The following GYS2 variants were observed in gnomAD, a reference collection of about 807,000 sequenced individuals.
GYS2 encodes the protein glycogen [starch] synthase, liver.
In GYS2, 80 loss-of-function variants were observed where a neutral mutation model predicts 85.6. That is an observed-to-expected ratio of 0.93 (90% CI 0.78 to 1.13). The LOEUF (loss-of-function observed/expected upper bound fraction) is 1.13. GYS2 is among the 50% of genes most tolerant of loss of function. GYS2 has a pLI of 0.00. For synonymous variants in GYS2, 328 were observed against 300.7 expected (o/e 1.09, Z -0.94); for missense variants, 881 against 854.9 (o/e 1.03, Z -0.38).
intron 7 of GYS2, among the ~76,000 whole-genome samples, chr12:21,561,807 A>G (rs4762705): frequency 0.72 from 109,772 of 151,656 alleles, 40,002 homozygotes; most frequent in South Asian, 0.79. Flanking sequence ...TTTTATTAAT[A>G]AATCGCTTGT....
intron 5 of GYS2, 112 bp from the exon 6 acceptor site, chr12:21,563,457 T>A (rs1213434757): frequency 5.9e-6 from 4 of 673,710 alleles, no homozygotes; most frequent in Non-Finnish European, 1.1e-5. Context: ...CATTCTACTT[T>A]CTGACTACCA....
At chr12:21,543,214 T>C (rs1011172580) in intron 12 of GYS2, among the ~76,000 whole-genome samples, 2 of 152,208 alleles carry the variant, frequency 1.3e-5, no homozygotes, top group Admixed American at 1.3e-4. Context: ...TTTAGGAATT[T>C]ATATTTGATA....
At chr12:21,576,144 T>G in intron 2 of GYS2, 87 bp from the exon 3 acceptor site, 1 of 1,043,722 alleles carries the variant, frequency 9.6e-7, no homozygotes, top group African/African-American at 1.6e-5. Flanking sequence ...ATAAACTTTA[T>G]GTAGTACTCA....
intron 1 of GYS2, 123 bp downstream of exon 1, chr12:21,604,349 T>C (rs1423695750): frequency 3.9e-6 from 3 of 760,632 alleles, no homozygotes; most frequent in Non-Finnish European, 7.3e-6. Context: ...TATATTCCGT[T>C]TAAATGCTTT....
At chr12:21,550,168 G>C (rs1169358371) in intron 11 of GYS2, among the ~76,000 whole-genome samples, 1 of 152,032 alleles carries the variant, frequency 6.6e-6, no homozygotes, top group Non-Finnish European at 1.5e-5. Flanking sequence ...TACTTTACCT[G>C]TCACAGTTCT....
chr12:21,589,901 A>T (rs1944615684), intron 1 of GYS2, among the ~76,000 whole-genome samples: 1 of 151,922 alleles, frequency 6.6e-6, no homozygotes, highest in South Asian at 2.1e-4. Flanking sequence ...CGTTCCTCAG[A>T]CCCCAACATC....
intron 1 of GYS2, among the ~76,000 whole-genome samples, chr12:21,590,667 G>A (rs255439): frequency 0.17 from 25,227 of 152,124 alleles, 2,240 homozygotes; most frequent in Non-Finnish European, 0.18. Context: ...ACTGCCTGAA[G>A]GCCAAAGAAT....
chr12:21,562,143 G>T (rs533129811), intron 7 of GYS2, among the ~76,000 whole-genome samples: 2 of 152,198 alleles, frequency 1.3e-5, no homozygotes, highest in South Asian at 4.2e-4. Context: ...AACCCACTTT[G>T]TATCCCACCT....
At chr12:21,587,351 C>G (rs1423459701) in intron 1 of GYS2, among the ~76,000 whole-genome samples, 1 of 152,142 alleles carries the variant, frequency 6.6e-6, no homozygotes, top group Non-Finnish European at 1.5e-5. Context: ...GTGTCCCCAC[C>G]CAAATCTCAT....
chr12:21,560,464 A>C lies in GYS2; in HGVS notation c.1091T>G (p.Val364Gly), dbSNP rs748262565. 1 of 1,590,446 alleles carries C rather than the reference A, an allele frequency of 6.3e-7. No homozygotes were observed. ...TGTCTTGGCAGGCATAATGAAAAACACCATCACTGTGATGTCACTTTTATG... is the reference window on the plus strand; with the variant it reads ...TGTCTTGGCAGGCATAATGAAAAACCCCATCACTGTGATGTCACTTTTATG... Reference protein sequence around the residue: ...RMHKSDITVMVFFIMPAKTNN... With the variant: ...RMHKSDITVMGFFIMPAKTNN... The change falls in exon 8 of 16, where the codon GTG becomes GGG. Residue 364 changes from valine (V) to glycine (G), a missense_variant. Val to Gly is a moderately radical substitution (Grantham distance 109, BLOSUM62 -3). Transcript: ENST00000261195.
intron 15 of GYS2, 116 bp from the exon 16 acceptor site, chr12:21,537,291 G>T (rs1026764360): frequency 1.3e-5 from 10 of 758,828 alleles, no homozygotes; most frequent in South Asian, 3.0e-5. Context: ...TTGTAGTCTG[G>T]GTGCTATTAA....
chr12:21,544,121 C>T (rs909628066), intron 12 of GYS2, among the ~76,000 whole-genome samples: 8 of 152,094 alleles, frequency 5.3e-5, no homozygotes, highest in Non-Finnish European at 1.2e-4. Flanking sequence ...AGTCTAGTAA[C>T]ACGTAAAAAG....
rs780151467 is a variant in GYS2 at position 21,558,267 on chromosome 12, G to A, written c.1355C>T (p.Ser452Phe). Residue 452 changes from serine (S) to phenylalanine (F), a missense_variant, in exon 11 of 16, where the codon TCC (serine) becomes TTC (phenylalanine). Coordinates refer to ENST00000261195, the MANE Select transcript of GYS2 (RefSeq NM_021957.4). ...PVTTHNMIDDSTDPILSTIRR... is the reference protein window; with the variant it reads ...PVTTHNMIDDFTDPILSTIRR... ...AATGGTGCTGAGGATGGGGTCGGTG[G>A]AGTCATCAATCATGTTGTGCGTGGT... The A allele has an allele frequency of 1.2e-6, 2 of 1,613,990 alleles. No homozygotes were observed. Among genetic ancestry groups the A allele is most frequent in the Non-Finnish European group, 1.7e-6 (2 of 1,179,874 alleles).
At chr12:21,583,233 C>T (rs1944532379) in intron 1 of GYS2, among the ~76,000 whole-genome samples, 1 of 152,190 alleles carries the variant, frequency 6.6e-6, no homozygotes. Context: ...TGATTAAATT[C>T]AGGGACCTTC....
chr12:21,558,424 T>C (rs1944209792), intron 10 of GYS2, 111 bp from the exon 11 acceptor site: 3 of 719,390 alleles, frequency 4.2e-6, no homozygotes, highest in Admixed American at 2.0e-5. Flanking sequence ...TTCAGTCTTT[T>C]GAGATGGCAC....
At chr12:21,599,773 C>G (rs1243758143) in intron 1 of GYS2, among the ~76,000 whole-genome samples, 2 of 152,078 alleles carry the variant, frequency 1.3e-5, no homozygotes, top group African/African-American at 2.4e-5. Flanking sequence ...TTTAAAAATG[C>G]AATTATGGAC....
At chr12:21,598,933 G>T (rs1315263584) in intron 1 of GYS2, among the ~76,000 whole-genome samples, 1 of 152,006 alleles carries the variant, frequency 6.6e-6, no homozygotes, top group Non-Finnish European at 1.5e-5. Flanking sequence ...GAGCTACCAT[G>T]GTACATATAA....
intron 12 of GYS2, among the ~76,000 whole-genome samples, chr12:21,543,226 T>C (rs1433680960): frequency 6.6e-6 from 1 of 152,220 alleles, no homozygotes; most frequent in Non-Finnish European, 1.5e-5. Flanking sequence ...TATTTGATAA[T>C]GGAATTACCC....
At chr12:21,553,430 C>T (rs932372255) in intron 11 of GYS2, among the ~76,000 whole-genome samples, 2 of 152,284 alleles carry the variant, frequency 1.3e-5, no homozygotes, top group Non-Finnish European at 1.5e-5. Context: ...AGATCTTAGC[C>T]CCAGGAATCT....
Sources: gnomAD v4.1 joint callset for allele counts (sites outside exome capture counted in the v4.1 genomes callset) on GRCh38, gnomAD v4.1.1 for gene constraint, MANE v1.5 for transcripts, NCBI Gene and HGNC (gene_info 2026-07-23, HGNC 2026-07-21) for gene names.